UBE2L3: variants seen among roughly 807,000 people sequenced by gnomAD.
UBE2L3 encodes the protein ubiquitin conjugating enzyme E2 L3.
Under a neutral mutation model 17.8 loss-of-function variants are expected in UBE2L3, and 1 was observed. The observed-to-expected ratio is 0.06, with a 90% CI of 0.02 to 0.27. The LOEUF is 0.27. Among genes scored for constraint, UBE2L3 ranks in the 10% least tolerant of loss-of-function variants. The pLI is 1.00. For synonymous variants in UBE2L3, 44 were observed against 68.5 expected, an observed-to-expected ratio of 0.64 and a Z score of 1.76; for missense variants, 40 against 192.6, an observed-to-expected ratio of 0.21 and a Z score of 4.69.
At chr22:21,588,688 G>A (rs926614564) in intron 1 of UBE2L3, among the ~76,000 whole-genome samples, 7 of 151,586 alleles carry the variant, frequency 4.6e-5, no homozygotes, top group African/African-American at 1.7e-4. Context: ...TTTTGAGACA[G>A]AGTCTTGCTC....
chr22:21,588,906 C>T (rs528587343), intron 1 of UBE2L3, among the ~76,000 whole-genome samples: 22 of 151,960 alleles, frequency 1.4e-4, no homozygotes, highest in Non-Finnish European at 2.9e-4. Context: ...TCGTGATCTA[C>T]CTGCCTTGGC....
chr22:21,581,126 C>T (rs1927609556), intron 1 of UBE2L3, among the ~76,000 whole-genome samples: 1 of 149,150 alleles, frequency 6.7e-6, no homozygotes, highest in Non-Finnish European at 1.5e-5. Flanking sequence ...GCAATCTTGG[C>T]TTATTGCAAC....
chr22:21,565,032 C>T (rs1379786985), upstream of UBE2L3, among the ~76,000 whole-genome samples: 2 of 151,884 alleles, frequency 1.3e-5, no homozygotes, highest in Non-Finnish European at 2.9e-5. Context: ...CCTCCTTTAC[C>T]GTGTCAAGCC....
chr22:21,558,354 C>T (rs573499172), intron 1 of UBE2L3, among the ~76,000 whole-genome samples: 45 of 152,356 alleles, frequency 3.0e-4, no homozygotes, highest in South Asian at 1.2e-3. Flanking sequence ...AATTTTTGGC[C>T]GGGCGCAGTG....
chr22:21,615,204 ATAT>A (rs1163031448), intron 3 of UBE2L3, among the ~76,000 whole-genome samples: 1 of 151,982 alleles, frequency 6.6e-6, no homozygotes, highest in East Asian at 1.9e-4. Context: ...CTACAATGAA[ATAT>A]TATTTAGCCA....
chr22:21,581,574 G>A (rs1927640581), intron 1 of UBE2L3, among the ~76,000 whole-genome samples: 2 of 152,130 alleles, frequency 1.3e-5, no homozygotes, highest in South Asian at 4.1e-4. Flanking sequence ...GGCCTAGATG[G>A]GCAGATCACC....
At chr22:21,582,408 C>T (rs1202586304) in intron 1 of UBE2L3, among the ~76,000 whole-genome samples, 1 of 150,666 alleles carries the variant, frequency 6.6e-6, no homozygotes, top group African/African-American at 2.4e-5. Context: ...GGCTGGAGTG[C>T]AGTGGTGCAA....
rs1926805570 is a variant in UBE2L3 at position 21,568,991 on chromosome 22, C to CT, written c.27+1221dup. Among the ~76,000 whole-genome samples the CT allele has an allele frequency of 2.6e-5, 4 of 152,302 alleles. No individual in the cohort carries two copies. The South Asian group carries it at 8.3e-4, about 32-fold the overall frequency. On this transcript the variant is annotated intron_variant, in intron 1 of 3. Transcript: ENST00000342192. ...TTCAGACCTCTCCTCATCTCTTAAG[C>CT]TAGTGACACCACCATTCACCAGATA...
chr22:21,612,643 C>CTTT lies in UBE2L3; in HGVS notation c.310+1626_310+1628dup, dbSNP rs57678378. The stretch of plus-strand genomic sequence containing the variant: ...CCCAGCCGATTTTTTCTTTTCTTTT[C>CTTT]TTTTTTTTTTTTTTTTTTTTTTTTT... On this transcript the variant is annotated intron_variant, in intron 3 of 3. Coordinates refer to ENST00000342192, the MANE Select transcript of UBE2L3 (RefSeq NM_003347.4). Among the ~76,000 whole-genome samples, 147 of 52,484 alleles carry CTTT rather than the reference C, an allele frequency of 2.8e-3. 19 individuals are homozygous for CTTT. The highest frequency in any genetic ancestry group is 0.019 in the East Asian group (25 of 1,334). The allele number at this position is 52,484 out of a possible 152,430, so 34.4% of individuals were successfully genotyped here.
intron 1 of UBE2L3, among the ~76,000 whole-genome samples, chr22:21,551,994 C>CAT (rs1484882769): frequency 4.5e-4 from 2 of 4,436 alleles, no homozygotes; most frequent in Non-Finnish European, 8.0e-4. Context: ...TGAAGAAATA[C>CAT]ACACACACAC....
At chr22:21,571,049 C>A (rs1390418214) in intron 1 of UBE2L3, among the ~76,000 whole-genome samples, 2 of 152,194 alleles carry the variant, frequency 1.3e-5, no homozygotes, top group African/African-American at 4.8e-5. Context: ...ATGATAAAGT[C>A]TTTTATTTCA....
chr22:21,567,565 T>G (rs1926691634), upstream of UBE2L3: 46 of 1,373,750 alleles, frequency 3.3e-5, no homozygotes, highest in Non-Finnish European at 4.3e-5. Flanking sequence ...AGGCCCAGTC[T>G]GTGCGGTTCA....
intron 3 of UBE2L3, among the ~76,000 whole-genome samples, chr22:21,619,305 G>A (rs1392048985): frequency 1.3e-5 from 2 of 152,202 alleles, no homozygotes; most frequent in East Asian, 1.9e-4. Flanking sequence ...CAGGTGGCTT[G>A]TACAGGGAGG....
intron 1 of UBE2L3, among the ~76,000 whole-genome samples, chr22:21,562,186 T>C (rs1926456993): frequency 7.2e-6 from 1 of 139,122 alleles, no homozygotes; most frequent in Non-Finnish European, 1.5e-5. Flanking sequence ...CCTGTGTACC[T>C]CTTTTTTTTT....
intron 1 of UBE2L3, among the ~76,000 whole-genome samples, chr22:21,576,550 G>T (rs60071620): frequency 2.0e-5 from 3 of 151,380 alleles, no homozygotes; most frequent in African/African-American, 7.3e-5. Flanking sequence ...CTCCTGCCTC[G>T]GTCTCCCAAA....
chr22:21,591,158 C>G (rs1196073808), intron 1 of UBE2L3, among the ~76,000 whole-genome samples: 6 of 152,150 alleles, frequency 3.9e-5, no homozygotes, highest in African/African-American at 1.4e-4. Flanking sequence ...AAAGAGGGGC[C>G]TCATGCAGGT....
chr22:21,563,980 A>G (rs1448820928), upstream of UBE2L3, among the ~76,000 whole-genome samples: 2 of 151,518 alleles, frequency 1.3e-5, no homozygotes, highest in Non-Finnish European at 2.9e-5. Context: ...TGCTGGGATT[A>G]TAGGTGTGAG....
chr22:21,585,686 G>A (rs1191700170), intron 1 of UBE2L3, among the ~76,000 whole-genome samples: 8 of 152,170 alleles, frequency 5.3e-5, no homozygotes, highest in Non-Finnish European at 1.0e-4. Flanking sequence ...AGCATGTTGG[G>A]GATGTGGGGC....
intron 2 of UBE2L3, among the ~76,000 whole-genome samples, chr22:21,608,898 TTTTG>T (rs1929321302): frequency 2.0e-5 from 3 of 151,032 alleles, no homozygotes; most frequent in Admixed American, 1.3e-4. Context: ...GGCAGTTTTG[TTTTG>T]TTTTTTTTTT....
Sources: allele counts gnomAD v4.1 joint callset (sites outside exome capture counted in the v4.1 genomes callset), GRCh38; gene constraint gnomAD v4.1.1; transcripts MANE v1.5; gene names NCBI Gene and HGNC (gene_info 2026-07-23, HGNC 2026-07-21).